Variants in PCDHGB1 observed in about 807,000 individuals in gnomAD.
PCDHGB1 encodes protocadherin gamma-B1.
PCDHGB1 carries 34 observed loss-of-function variants against 56.6 expected under a neutral mutation model. The observed-to-expected ratio is 0.60, with a 90% CI of 0.46 to 0.80. The LOEUF (loss-of-function observed/expected upper bound fraction) is 0.80, where lower values mean the gene tolerates loss of function less well. PCDHGB1 is among the 30% of genes least tolerant of loss of function. The pLI is 0.00. For missense variants in PCDHGB1, 1,278 were observed against 1,204.6 expected (o/e 1.06, Z -0.90); for synonymous variants, 561 against 505.9 (o/e 1.11, Z -1.46).
chr5:141,419,012 A>C (rs1422133011), intron 1 of PCDHGB1: 1 of 1,613,986 alleles, frequency 6.2e-7, no homozygotes. Context: ...AGTCAGGTGT[A>C]GCTTAAGTAG....
chr5:141,417,634 G>A, intron 1 of PCDHGB1: 1 of 721,778 alleles, frequency 1.4e-6, no homozygotes, highest in Non-Finnish European at 2.1e-6. Context: ...GCTGACGCCG[G>A]GGATCCCTCA....
Position 141,490,156 on chromosome 5 carries a change from G to T in PCDHGB1, c.2410-4651G>T. On this transcript the variant is annotated intron_variant, in intron 1 of 3. Coordinates refer to ENST00000523390, the MANE Select transcript of PCDHGB1 (RefSeq NM_018922.3). The surrounding 1 kb of genome is among the most constrained non-coding windows in gnomAD (Gnocchi z 5.4). ...TAGCAGTGGGGCAATCCATGTGTTG[G>T]GTCCCATAGACTTTGAGGAGTCACG... is the stretch of plus-strand genomic sequence containing the variant. 3.1e-6 allele frequency: 5 copies of T among 1,614,192 alleles called. No individual in the cohort carries two copies. Among genetic ancestry groups the T allele is most frequent in the Non-Finnish European group, 4.2e-6 (5 of 1,180,034 alleles).
intron 1 of PCDHGB1, chr5:141,393,074 G>C (rs775449711): frequency 7.4e-6 from 12 of 1,613,592 alleles, no homozygotes; most frequent in African/African-American, 2.7e-5. Flanking sequence ...TGATCACCGC[G>C]GGCAGGATAG....
intron 1 of PCDHGB1, chr5:141,384,235 A>C (rs1779874846): frequency 1.2e-6 from 2 of 1,613,774 alleles, no homozygotes; most frequent in Admixed American, 1.7e-5. Context: ...GGCAGACACC[A>C]ACGATAACCC....
At chr5:141,372,589 GCTTCA>G in intron 1 of PCDHGB1, 1 of 1,614,030 alleles carries the variant, frequency 6.2e-7, no homozygotes, top group Non-Finnish European at 8.5e-7. Context: ...CCTGGTGTCT[GCTTCA>G]AGACTGTACC....
chr5:141,372,799 A>G (rs1769080872), intron 1 of PCDHGB1: 7 of 1,596,852 alleles, frequency 4.4e-6, no homozygotes, highest in Non-Finnish European at 5.1e-6. Flanking sequence ...AATTCAGGCA[A>G]TTTGCAAAAG....
At chr5:141,370,531 T>C (rs373245420) in intron 1 of PCDHGB1, 8 of 1,613,822 alleles carry the variant, frequency 5.0e-6, no homozygotes, top group Middle Eastern at 1.6e-4. Flanking sequence ...AGGGGCTCGC[T>C]GGTAGGGAAC....
intron 1 of PCDHGB1, chr5:141,422,953 G>A: frequency 6.2e-7 from 1 of 1,614,232 alleles, no homozygotes; most frequent in Non-Finnish European, 8.5e-7. Context: ...CTCCACTGGC[G>A]TGGAGCTGGC....
At chr5:141,365,693 G>T in intron 1 of PCDHGB1, 1 of 1,613,362 alleles carries the variant, frequency 6.2e-7, no homozygotes, top group Non-Finnish European at 8.5e-7. Flanking sequence ...TTTCCCTCAA[G>T]CCTCCTACTC....
rs371823901 is a variant in PCDHGB1 at position 141,384,767 on chromosome 5, C to T, written c.2409+32098C>T. 6.8e-6 allele frequency: 11 copies of T among 1,613,806 alleles called. No individual in the cohort carries two copies. The African/African-American group carries it at 9.3e-5, about 14-fold the overall frequency. The stretch of plus-strand genomic sequence containing the variant: ...GGACTCTTTGCGGTTGGGCTGTACA[C>T]GGGCGAGGTGCGCACGGCTCGGGCC... On this transcript the variant is annotated intron_variant, in intron 1 of 3. Coordinates refer to ENST00000523390, the MANE Select transcript of PCDHGB1 (RefSeq NM_018922.3).
chr5:141,422,479 A>G, intron 1 of PCDHGB1: 1 of 1,613,890 alleles, frequency 6.2e-7, no homozygotes, highest in Non-Finnish European at 8.5e-7. Flanking sequence ...GTTGGTCCAG[A>G]GCTACAATAT....
intron 1 of PCDHGB1, chr5:141,355,420 C>T: frequency 6.2e-7 from 1 of 1,614,124 alleles, no homozygotes; most frequent in Non-Finnish European, 8.5e-7. Context: ...TAGGACGCAG[C>T]TTTTCGCCCT....
intron 1 of PCDHGB1, chr5:141,415,000 T>G: frequency 6.2e-7 from 1 of 1,613,660 alleles, no homozygotes; most frequent in Non-Finnish European, 8.5e-7. Context: ...CGCCTGGCTG[T>G]CCTACCGTCT....
intron 1 of PCDHGB1, chr5:141,389,470 C>T (rs776427212): frequency 1.2e-6 from 2 of 1,613,240 alleles, no homozygotes; most frequent in East Asian, 2.2e-5. Context: ...TTCGAACTCA[C>T]ACTGCAGGCC....
chr5:141,394,489 C>T (rs989814835), intron 1 of PCDHGB1: 5 of 1,614,122 alleles, frequency 3.1e-6, no homozygotes, highest in Non-Finnish European at 4.2e-6. Context: ...AATGACAACG[C>T]GCCCGAGATC....
At chr5:141,419,789 G>A (rs758649709) in intron 1 of PCDHGB1, 2 of 1,614,068 alleles carry the variant, frequency 1.2e-6, no homozygotes, top group South Asian at 2.2e-5. Context: ...GCGCCTGCTA[G>A]TCGCTGTAAG....
intron 1 of PCDHGB1, among the ~76,000 whole-genome samples, chr5:141,465,104 T>A (rs1044128193): frequency 1.3e-5 from 2 of 151,862 alleles, no homozygotes; most frequent in East Asian, 3.9e-4. Context: ...GTTTTTTTTT[T>A]AAGTGTTTTA....
At chr5:141,478,625 T>A in intron 1 of PCDHGB1, 3 of 1,554,218 alleles carry the variant, frequency 1.9e-6, no homozygotes, top group Non-Finnish European at 2.6e-6. Context: ...ATGGAGCTGT[T>A]TTTTTAGTGA....
chr5:141,465,030 C>T (rs922114985), intron 1 of PCDHGB1, among the ~76,000 whole-genome samples: 2 of 152,086 alleles, frequency 1.3e-5, no homozygotes, highest in Non-Finnish European at 1.5e-5. Context: ...CCATGAACCA[C>T]CACAAATGAC....
Sources: gnomAD v4.1 joint callset for allele counts (sites outside exome capture counted in the v4.1 genomes callset) on GRCh38, gnomAD v4.1.1 for gene constraint, Gnocchi (gnomAD v3.1) non-coding constraint, MANE v1.5 for transcripts, NCBI Gene and HGNC (gene_info 2026-07-23, HGNC 2026-07-21) for gene names.